Variants in GPM6A observed in about 807,000 individuals in gnomAD.
GPM6A encodes the protein neuronal membrane glycoprotein M6-a.
In GPM6A, 7 loss-of-function variants were observed where a neutral mutation model predicts 32.1. That is an observed-to-expected ratio of 0.22 (90% CI 0.12 to 0.41). The LOEUF is 0.41. GPM6A is among the 10% of genes least tolerant of loss of function. The pLI is 1.00. For missense variants in GPM6A, 235 were observed against 347.2 expected (o/e 0.68, Z 2.57); for synonymous variants, 130 against 123.4 (o/e 1.05, Z -0.35).
chr4:175,907,971 G>A lies in GPM6A; in HGVS notation c.-23+94338C>T, dbSNP rs553857149. 3.6e-4 allele frequency among the ~76,000 whole-genome samples: 55 copies of A among 152,146 alleles called. 1 individual carries two copies. The highest frequency in any genetic ancestry group is 1.5e-3 in the Admixed American group (23 of 15,254). On this transcript the variant is annotated intron_variant, in intron 1 of 7. Coordinates refer to the GPM6A transcript ENST00000280187. Reference sequence around the variant, plus strand: ...GATGGGTAAGGGAAATATATTCTTCGTCTCCTACACTGTTGAATAGTAAAG... The same window carrying A: ...GATGGGTAAGGGAAATATATTCTTCATCTCCTACACTGTTGAATAGTAAAG...
chr4:175,974,450 G>A (rs1282439514), intron 1 of GPM6A, among the ~76,000 whole-genome samples: 2 of 152,046 alleles, frequency 1.3e-5, no homozygotes, highest in Non-Finnish European at 1.5e-5. Flanking sequence ...CCACCTCCCG[G>A]GTTCAAGCGA....
chr4:175,822,425 T>G (rs1274845826), intron 1 of GPM6A, among the ~76,000 whole-genome samples: 1 of 152,174 alleles, frequency 6.6e-6, no homozygotes, highest in Non-Finnish European at 1.5e-5. Context: ...ATGGGAATAC[T>G]GTATAGCAGT....
At chr4:175,848,596 C>T (rs1270948847) in intron 1 of GPM6A, among the ~76,000 whole-genome samples, 2 of 152,144 alleles carry the variant, frequency 1.3e-5, no homozygotes, top group East Asian at 3.8e-4. Context: ...CAAATTCTGG[C>T]TTTACCTTGC....
rs112344915 is a variant in GPM6A, at chr4:175,751,077, G to A, written c.38-49310C>T. 1.6e-3 allele frequency among the ~76,000 whole-genome samples: 243 copies of A among 151,970 alleles called. 1 individual carries two copies. Among genetic ancestry groups the A allele is most frequent in the African/African-American group, 5.4e-3 (223 of 41,492 alleles). On this transcript the variant is annotated intron_variant, in intron 1 of 6. Transcript: ENST00000393658. ...TTGAGATGATATGATCAGCAGAAGG[G>A]GGAAAAAAGATGTGCATAATCTTGT...
At chr4:175,903,857 A>G (rs560089856) in intron 1 of GPM6A, among the ~76,000 whole-genome samples, 1 of 152,172 alleles carries the variant, frequency 6.6e-6, no homozygotes, top group Admixed American at 6.6e-5. Flanking sequence ...AAATTGGGAC[A>G]GCCAGCCAAA....
intron 1 of GPM6A, among the ~76,000 whole-genome samples, chr4:175,767,596 A>G (rs1733023762): frequency 6.6e-6 from 1 of 152,244 alleles, no homozygotes; most frequent in South Asian, 2.1e-4. Flanking sequence ...GAGACTTTTA[A>G]TAAAAGTAAC....
chr4:175,879,992 T>A (rs1009615994), intron 1 of GPM6A, among the ~76,000 whole-genome samples: 3 of 151,920 alleles, frequency 2.0e-5, no homozygotes, highest in Non-Finnish European at 2.9e-5. Flanking sequence ...ATTGCTTAGG[T>A]TTTCTTCTAG....
intron 3 of GPM6A, among the ~76,000 whole-genome samples, chr4:175,663,479 A>C (rs572511505): frequency 6.6e-6 from 1 of 152,206 alleles, no homozygotes. Context: ...GCTATAGTTA[A>C]TAACAGTGTG....
At chr4:175,639,215 C>G (rs1740993587) in intron 6 of GPM6A, among the ~76,000 whole-genome samples, 1 of 152,072 alleles carries the variant, frequency 6.6e-6, no homozygotes, top group Non-Finnish European at 1.5e-5. Context: ...AAAATAACCA[C>G]TCTGACATGG....
At chr4:175,991,691 T>G (rs1741150632) in intron 1 of GPM6A, among the ~76,000 whole-genome samples, 2 of 152,154 alleles carry the variant, frequency 1.3e-5, no homozygotes, top group South Asian at 4.1e-4. Flanking sequence ...TGTATTTTTC[T>G]TAATAAAATA....
intron 1 of GPM6A, chr4:175,807,577 CA>C (rs1734743568): frequency 6.6e-6 from 1 of 152,160 alleles, no homozygotes; most frequent in Non-Finnish European, 1.5e-5. Context: ...GAAAGAAGGC[CA>C]ATTGAACCAA....
At chr4:175,640,032 C>T in intron 6 of GPM6A, 97 bp downstream of exon 6, 1 of 982,016 alleles carries the variant, frequency 1.0e-6, no homozygotes, top group Non-Finnish European at 1.7e-6. Context: ...ATGTGTTTTA[C>T]ATGAACTTCA....
At chr4:175,959,880 T>C (rs1399127016) in intron 1 of GPM6A, among the ~76,000 whole-genome samples, 1 of 152,196 alleles carries the variant, frequency 6.6e-6, no homozygotes, top group Non-Finnish European at 1.5e-5. Flanking sequence ...TCTTTAATTA[T>C]AGTAACTAAT....
At chr4:175,744,837 G>A (rs1345650235) in intron 1 of GPM6A, among the ~76,000 whole-genome samples, 1 of 152,086 alleles carries the variant, frequency 6.6e-6, no homozygotes. Flanking sequence ...TGGGTCCAAT[G>A]TTCTGATATT....
intron 1 of GPM6A, among the ~76,000 whole-genome samples, chr4:175,804,208 G>C (rs1293314291): frequency 6.6e-6 from 1 of 152,142 alleles, no homozygotes; most frequent in Non-Finnish European, 1.5e-5. Context: ...ATTGAAAGGT[G>C]TTTGAAGAAA....
At chr4:175,713,944 T>C (rs1215705096) in intron 1 of GPM6A, among the ~76,000 whole-genome samples, 1 of 152,190 alleles carries the variant, frequency 6.6e-6, no homozygotes, top group Non-Finnish European at 1.5e-5. Flanking sequence ...TACTTTGTCA[T>C]AGATTTTTTT....
intron 5 of GPM6A, 132 bp downstream of exon 5, chr4:175,640,621 C>T (rs1367599209): frequency 1.6e-5 from 11 of 677,416 alleles, no homozygotes; most frequent in Middle Eastern, 3.9e-4. Context: ...CTGAATAACA[C>T]TACTTCAGGT....
chr4:175,656,432 C>G (rs1476854669), intron 3 of GPM6A, among the ~76,000 whole-genome samples: 1 of 152,018 alleles, frequency 6.6e-6, no homozygotes, highest in African/African-American at 2.4e-5. Context: ...CACATGTTAG[C>G]ATTTGATTCA....
intron 1 of GPM6A, among the ~76,000 whole-genome samples, chr4:175,876,406 A>T (rs187253254): frequency 2.2e-4 from 33 of 152,320 alleles, no homozygotes; most frequent in African/African-American, 7.7e-4. Context: ...TAAAAACCAA[A>T]ATTAGACTTT....
Sources: allele counts gnomAD v4.1 joint callset (sites outside exome capture counted in the v4.1 genomes callset), GRCh38; gene constraint gnomAD v4.1.1; transcripts MANE v1.5; gene names NCBI Gene and HGNC (gene_info 2026-07-23, HGNC 2026-07-21).